DROSHA: variants seen among roughly 807,000 people sequenced by gnomAD.
The protein encoded by DROSHA is drosha ribonuclease III, also known as ribonuclease 3.
Under a neutral mutation model 181.9 loss-of-function variants are expected in DROSHA, and 56 were observed. That is an observed-to-expected ratio of 0.31 (90% CI 0.25 to 0.38). The LOEUF (loss-of-function observed/expected upper bound fraction) is 0.38, where lower values mean the gene tolerates loss of function less well. Ranked by LOEUF, DROSHA falls within the 10% of genes least tolerant of loss-of-function variation. The pLI is 1.00. For missense variants in DROSHA, 1,218 were observed against 1,743.5 expected, an observed-to-expected ratio of 0.70 and a Z score of 5.37; for synonymous variants, 524 against 591.2, an observed-to-expected ratio of 0.89 and a Z score of 1.65.
intron 16 of DROSHA, among the ~76,000 whole-genome samples, chr5:31,479,449 C>T (rs1019610653): frequency 6.6e-6 from 1 of 152,074 alleles, no homozygotes; most frequent in Non-Finnish European, 1.5e-5. Flanking sequence ...AGTTTTGACC[C>T]ATATCTCATA....
intron 24 of DROSHA, among the ~76,000 whole-genome samples, chr5:31,436,145 C>T (rs1452367032): frequency 2.6e-5 from 4 of 152,170 alleles, no homozygotes; most frequent in Admixed American, 2.6e-4. Flanking sequence ...TAATCAGTTA[C>T]ACACTCTAAG....
In DROSHA at chr5:31,465,174, C is replaced by T. The variant is rs1453253750; in HGVS notation, c.2467-831G>A. Among the ~76,000 whole-genome samples the T allele has an allele frequency of 2.0e-5, 3 of 152,182 alleles. No individual in the cohort carries two copies. The East Asian group carries it at 5.8e-4, about 29-fold the overall frequency. ...GTAAGTGACAAAGCCAGAATTCAAA[C>T]ACTTTTTCCAGCTTCAAAGCCTTGC... On this transcript the variant is annotated intron_variant, in intron 19 of 35. Transcript: ENST00000344624.
chr5:31,437,168 C>T, intron 24 of DROSHA, 71 bp downstream of exon 24: 5 of 1,457,680 alleles, frequency 3.4e-6, no homozygotes, highest in Non-Finnish European at 4.7e-6. Context: ...ACAAAGAAAG[C>T]AATGTAATAA....
chr5:31,507,499 C>A (rs1440404862), intron 10 of DROSHA, among the ~76,000 whole-genome samples: 1 of 151,388 alleles, frequency 6.6e-6, no homozygotes, highest in Non-Finnish European at 1.5e-5. Flanking sequence ...TGGGACGCCC[C>A]TATAGTCCTA....
chr5:31,501,508 T>C (rs940120965), intron 11 of DROSHA, among the ~76,000 whole-genome samples: 1 of 151,774 alleles, frequency 6.6e-6, no homozygotes, highest in South Asian at 2.1e-4. Context: ...TATTGCACTG[T>C]GGGGATGGAA....
chr5:31,530,769 T>C (rs1741212506), intron 3 of DROSHA, 29 bp downstream of exon 3: 1 of 398,358 alleles, frequency 2.5e-6, no homozygotes, highest in South Asian at 1.3e-4. Context: ...CTAGACTTAG[T>C]CTATACTTAA....
At chr5:31,477,397 T>G (rs1750513952) in intron 16 of DROSHA, among the ~76,000 whole-genome samples, 1 of 152,240 alleles carries the variant, frequency 6.6e-6, no homozygotes, top group South Asian at 2.1e-4. Flanking sequence ...CTGTGTCTTC[T>G]GGATATTCCT....
At chr5:31,463,726 C>A (rs974247501) in intron 20 of DROSHA, among the ~76,000 whole-genome samples, 1 of 152,182 alleles carries the variant, frequency 6.6e-6, no homozygotes. Context: ...CTATTGCGTT[C>A]ACCCAGGGAA....
intron 4 of DROSHA, among the ~76,000 whole-genome samples, chr5:31,527,193 T>C (rs947785347): frequency 1.3e-5 from 2 of 152,120 alleles, no homozygotes; most frequent in African/African-American, 4.8e-5. Flanking sequence ...AAATGACCAA[T>C]TCAACATCCC....
chr5:31,412,355 A>C (rs16901109), intron 30 of DROSHA, among the ~76,000 whole-genome samples: 4,438 of 152,274 alleles, frequency 0.029, 116 homozygotes, highest in African/African-American at 0.07. Context: ...CATTCCTGAA[A>C]ACAGGGACGA....
chr5:31,481,915 G>A (rs1291704912), intron 16 of DROSHA, among the ~76,000 whole-genome samples: 5 of 152,270 alleles, frequency 3.3e-5, no homozygotes, highest in African/African-American at 7.2e-5. Flanking sequence ...CTCTGGCATC[G>A]GCAGCTACAG....
intron 23 of DROSHA, among the ~76,000 whole-genome samples, chr5:31,439,656 A>G (rs1342323221): frequency 1.3e-5 from 2 of 152,172 alleles, no homozygotes; most frequent in Non-Finnish European, 2.9e-5. Context: ...TATGTGTAGG[A>G]AAAAACATAG....
chr5:31,526,576 G>A lies in DROSHA; in HGVS notation c.357C>T (p.Pro119=), dbSNP rs768423503. 12 of 1,528,336 alleles carry A rather than the reference G, an allele frequency of 7.9e-6. No homozygotes were observed. The African/African-American group carries it at 1.5e-4, about 20-fold the overall frequency. 94.7% of individuals were successfully genotyped at this position (1,528,336 alleles called of 1,614,324 possible). A position where few individuals can be genotyped will look rare whatever the true frequency, so the allele number is the denominator to read the frequency against. The change falls in exon 5 of 36, where the codon CCC becomes CCT. Residue 119 remains proline, a synonymous_variant. Transcript: ENST00000344624. ...HPFPVPPCFP[P]MPPPMPCPNN... ...TAGGACAAGGCATTGGTGGTGGCAT[G>A]GGAGGAAAACAAGGAGGAACTGGGA...
At chr5:31,438,540 G>A (rs1056651900) in intron 23 of DROSHA, among the ~76,000 whole-genome samples, 3 of 152,196 alleles carry the variant, frequency 2.0e-5, no homozygotes, top group South Asian at 2.1e-4. Flanking sequence ...GAGTGGTGCC[G>A]TTTACTGTGG....
chr5:31,405,831 T>C (rs1233723589), intron 34 of DROSHA, 108 bp from the exon 35 acceptor site: 8 of 1,031,430 alleles, frequency 7.8e-6, no homozygotes, highest in African/African-American at 1.7e-5. Context: ...TTCAGGCTGA[T>C]TTTCACGTTC....
In DROSHA at chr5:31,484,870, C is replaced by G. The variant is rs891394220; in HGVS notation, c.1996+11G>C. On this transcript the variant is annotated intron_variant, in intron 15 of 35. Transcript: ENST00000344624. ...TAAACACTACTCTCTTCTTTAAATC[C>G]TATTACTTACCTTTAAGATTCCAGT... 76 of 1,510,544 alleles carry G rather than the reference C, an allele frequency of 5.0e-5. No individual in the cohort carries two copies. Among genetic ancestry groups the G allele is most frequent in the Non-Finnish European group, 6.7e-5 (75 of 1,115,662 alleles). The allele number at this position is 1,510,544 out of a possible 1,614,324, so 93.6% of individuals were successfully genotyped here.
At chr5:31,403,070 C>T (rs1412947537) in intron 35 of DROSHA, among the ~76,000 whole-genome samples, 1 of 152,140 alleles carries the variant, frequency 6.6e-6, no homozygotes, top group East Asian at 1.9e-4. Flanking sequence ...CCATGCCCGG[C>T]CCAGAGATTG....
chr5:31,428,238 A>T (rs954659200), intron 27 of DROSHA, among the ~76,000 whole-genome samples: 2 of 128,002 alleles, frequency 1.6e-5, no homozygotes, highest in African/African-American at 5.8e-5. Context: ...AACACAGTGG[A>T]TTGGGGGATG....
At chr5:31,522,945 T>A (rs533664632) in intron 5 of DROSHA, among the ~76,000 whole-genome samples, 1 of 152,336 alleles carries the variant, frequency 6.6e-6, no homozygotes, top group South Asian at 2.1e-4. Context: ...ATCTTGCAAT[T>A]GTTATTCAAC....
Sources: gnomAD v4.1 joint callset for allele counts (sites outside exome capture counted in the v4.1 genomes callset) on GRCh38, gnomAD v4.1.1 for gene constraint, MANE v1.5 for transcripts, NCBI Gene and HGNC (gene_info 2026-07-23, HGNC 2026-07-21) for gene names.